The following TMEM182 variants were observed in gnomAD, a reference collection of about 807,000 sequenced individuals.
TMEM182 encodes the protein transmembrane protein 182.
TMEM182 carries 20 observed loss-of-function variants against 26.8 expected under a neutral mutation model. The observed-to-expected ratio is 0.75, with a 90% CI of 0.53 to 1.09. The LOEUF is 1.09. Among genes scored for constraint, TMEM182 ranks in the 50% least tolerant of loss-of-function variants. TMEM182 has a pLI of 0.00. For missense variants in TMEM182, 277 were observed against 275.5 expected, an observed-to-expected ratio of 1.01 and a Z score of -0.04; for synonymous variants, 109 against 102.2, an observed-to-expected ratio of 1.07 and a Z score of -0.40.
intron 1 of TMEM182, among the ~76,000 whole-genome samples, chr2:102,752,029 A>G (rs746022265): frequency 6.6e-6 from 1 of 152,130 alleles, no homozygotes; most frequent in Non-Finnish European, 1.5e-5. Context: ...TCATTTAACC[A>G]TAATTGCCCA....
intron 3 of TMEM182, among the ~76,000 whole-genome samples, chr2:102,779,712 CA>C (rs1209113738): frequency 2.0e-5 from 3 of 150,478 alleles, no homozygotes; most frequent in African/African-American, 7.4e-5. Flanking sequence ...TAATTTGGCT[CA>C]AGGCTGGGTG....
At chr2:102,839,711 G>A (rs923897303) in intron 3 of TMEM182, among the ~76,000 whole-genome samples, 22 of 152,016 alleles carry the variant, frequency 1.4e-4, no homozygotes, top group African/African-American at 5.1e-4. Context: ...CTAGTTGCTA[G>A]CCACACTGTG....
intron 3 of TMEM182, among the ~76,000 whole-genome samples, chr2:102,792,745 A>G (rs1035143484): frequency 2.6e-5 from 4 of 152,144 alleles, no homozygotes; most frequent in African/African-American, 7.2e-5. Flanking sequence ...CTGGGAGGCT[A>G]TTTCTATGTG....
At position 102,754,993 on chromosome 2, in the gene TMEM182, T is replaced by C. The variant is rs549101150; in HGVS notation, c.-82-3396T>C. 3.3e-5 allele frequency among the ~76,000 whole-genome samples: 5 copies of C among 152,362 alleles called. No individual in the cohort carries two copies. In the South Asian group the frequency reaches 1.0e-3, roughly 32 times the overall value. On this transcript the variant is annotated intron_variant, in intron 1 of 5. Coordinates refer to the TMEM182 transcript ENST00000409173. ...GGTAGAATTTACCGTAATGGAATGT[T>C]ATTGATCTTAGTGGACTCTAGATTT... is the stretch of plus-strand genomic sequence containing the variant.
intron 1 of TMEM182, among the ~76,000 whole-genome samples, chr2:102,753,864 A>G (rs1308186518): frequency 1.3e-5 from 2 of 152,234 alleles, no homozygotes; most frequent in African/African-American, 4.8e-5. Context: ...AACACTAAAC[A>G]AAAACCGAAC....
At chr2:102,834,070 G>T (rs781112962) in intron 3 of TMEM182, among the ~76,000 whole-genome samples, 2 of 152,200 alleles carry the variant, frequency 1.3e-5, no homozygotes, top group Non-Finnish European at 2.9e-5. Flanking sequence ...AAGTTAAATA[G>T]TATATACATA....
At chr2:102,835,929 T>C (rs981026274) in intron 3 of TMEM182, among the ~76,000 whole-genome samples, 4 of 148,268 alleles carry the variant, frequency 2.7e-5, no homozygotes, top group Admixed American at 6.8e-5. Flanking sequence ...TTCCCACCTA[T>C]GAGTGAGAAC....
At chr2:102,792,039 T>TAC (rs1491553661) in intron 3 of TMEM182, among the ~76,000 whole-genome samples, 2 of 93,084 alleles carry the variant, frequency 2.1e-5, no homozygotes, top group Admixed American at 1.2e-4. Flanking sequence ...TATATGTGTG[T>TAC]ATACACACAC....
intron 3 of TMEM182, among the ~76,000 whole-genome samples, chr2:102,836,345 C>T (rs1683247594): frequency 6.6e-6 from 1 of 152,180 alleles, no homozygotes; most frequent in African/African-American, 2.4e-5. Flanking sequence ...ATGTTGCATT[C>T]CCACCAGCAA....
chr2:102,740,843 A>G (rs1312888710), intron 1 of TMEM182, among the ~76,000 whole-genome samples: 1 of 152,232 alleles, frequency 6.6e-6, no homozygotes, highest in East Asian at 1.9e-4. Context: ...TGGATAAGCA[A>G]TTGTGGTATA....
At chr2:102,839,645 A>G (rs888960427) in intron 3 of TMEM182, among the ~76,000 whole-genome samples, 4 of 152,124 alleles carry the variant, frequency 2.6e-5, no homozygotes, top group Non-Finnish European at 5.9e-5. Flanking sequence ...ACATATGACC[A>G]ACATGACTTT....
intron 4 of TMEM182, 35 bp downstream of exon 4, chr2:102,798,035 C>T (rs190393930): frequency 1.2e-4 from 185 of 1,571,676 alleles, no homozygotes; most frequent in Middle Eastern, 6.9e-4. Flanking sequence ...CTTTCAGCCA[C>T]GGTTTTTCTT....
upstream of TMEM182, among the ~76,000 whole-genome samples, chr2:102,757,888 AAG>A (rs1680093099): frequency 6.6e-6 from 1 of 152,198 alleles, no homozygotes; most frequent in African/African-American, 2.4e-5. Flanking sequence ...TGGCAGGAAA[AAG>A]AGAGTGAAGT....
At chr2:102,751,651 ACTT>A (rs1290917000) in intron 1 of TMEM182, among the ~76,000 whole-genome samples, 5 of 151,874 alleles carry the variant, frequency 3.3e-5, no homozygotes, top group East Asian at 3.9e-4. Context: ...CTGCTACATA[ACTT>A]CTTCTTAACT....
intron 3 of TMEM182, among the ~76,000 whole-genome samples, chr2:102,784,799 G>A (rs575830878): frequency 4.6e-5 from 7 of 152,294 alleles, no homozygotes; most frequent in Non-Finnish European, 8.8e-5. Context: ...CTGTCATGGT[G>A]CTGGTGGGAG....
intron 3 of TMEM182, among the ~76,000 whole-genome samples, chr2:102,768,902 T>G (rs570268331): frequency 1.3e-5 from 2 of 152,010 alleles, no homozygotes; most frequent in South Asian, 4.2e-4. Flanking sequence ...AGGCAAGATG[T>G]TAGTTGGCAA....
chr2:102,773,584 G>A (rs748337162), intron 3 of TMEM182, among the ~76,000 whole-genome samples: 9 of 151,764 alleles, frequency 5.9e-5, no homozygotes, highest in African/African-American at 1.7e-4. Context: ...CTTAGAAGAC[G>A]TGGTCACAGA....
At chr2:102,826,678 T>G (rs1227989205) in intron 3 of TMEM182, among the ~76,000 whole-genome samples, 1 of 152,224 alleles carries the variant, frequency 6.6e-6, no homozygotes, top group Non-Finnish European at 1.5e-5. Flanking sequence ...GGATACAGTT[T>G]CTTCAGCACT....
chr2:102,762,085 C>G lies in TMEM182; in HGVS notation c.-133C>G. ...CCACCAAAACATGAGCTAGGACAGC[C>G]TTCTCAAGAAGATTCTGCCAACTCA... On this transcript the variant is annotated 5_prime_UTR_variant, in exon 1 of 5. Coordinates refer to ENST00000412401, the MANE Select transcript of TMEM182 (RefSeq NM_144632.5). 1 of 762,916 alleles carries G rather than the reference C, an allele frequency of 1.3e-6. No homozygotes were observed. The highest frequency in any genetic ancestry group is 2.0e-6 in the Non-Finnish European group (1 of 494,538). 47.3% of individuals were successfully genotyped at this position (762,916 alleles called of 1,614,324 possible).
Sources: gnomAD v4.1 joint callset for allele counts (sites outside exome capture counted in the v4.1 genomes callset) on GRCh38, gnomAD v4.1.1 for gene constraint, MANE v1.5 for transcripts, NCBI Gene and HGNC (gene_info 2026-07-23, HGNC 2026-07-21) for gene names.